Variants in EML4 observed in about 807,000 individuals in gnomAD.
EML4 encodes EMAP like 4, also known as echinoderm microtubule-associated protein-like 4.
Under a neutral mutation model 129.0 loss-of-function variants are expected in EML4, and 72 were observed. The ratio of observed to expected loss-of-function variants is 0.56; its 90% CI spans 0.46 to 0.68. The LOEUF is 0.68. Among genes scored for constraint, EML4 ranks in the 30% least tolerant of loss-of-function variants. EML4 has a pLI of 0.00. For synonymous variants in EML4, 532 were observed against 405.0 expected (o/e 1.31, Z -3.77); for missense variants, 1,363 against 1,190.6 (o/e 1.14, Z -2.13).
chr2:42,242,294 T>C (rs1416721431), intron 1 of EML4, among the ~76,000 whole-genome samples: 1 of 152,224 alleles, frequency 6.6e-6, no homozygotes, highest in Non-Finnish European at 1.5e-5. Flanking sequence ...GAGAACATTT[T>C]AGAAAAATAT....
chr2:42,191,239 T>C (rs1162439479), intron 1 of EML4, among the ~76,000 whole-genome samples: 1 of 152,228 alleles, frequency 6.6e-6, no homozygotes, highest in African/African-American at 2.4e-5. Context: ...ATATGTATTA[T>C]GTACATAATT....
At chr2:42,195,232 TTCA>T (rs1340381719) in intron 1 of EML4, among the ~76,000 whole-genome samples, 1 of 152,170 alleles carries the variant, frequency 6.6e-6, no homozygotes, top group Non-Finnish European at 1.5e-5. Flanking sequence ...ATATGATAAC[TTCA>T]TCATGCTACC....
chr2:42,186,047 A>C (rs1671232353), intron 1 of EML4, among the ~76,000 whole-genome samples: 2 of 152,166 alleles, frequency 1.3e-5, no homozygotes, highest in South Asian at 4.1e-4. Flanking sequence ...AAAAGGCCCC[A>C]AAAAACTGTA....
chr2:42,215,043 T>C (rs745548643), intron 1 of EML4, among the ~76,000 whole-genome samples: 2 of 152,144 alleles, frequency 1.3e-5, no homozygotes, highest in Non-Finnish European at 2.9e-5. Flanking sequence ...CTACAAGATC[T>C]ATAACTCTGC....
chr2:42,199,002 A>C (rs888307225), intron 1 of EML4, among the ~76,000 whole-genome samples: 1 of 152,166 alleles, frequency 6.6e-6, no homozygotes, highest in Middle Eastern at 3.2e-3. Flanking sequence ...AGAGTGGTTG[A>C]AGTTATGTAT....
intron 11 of EML4, among the ~76,000 whole-genome samples, chr2:42,291,831 G>C (rs1422404399): frequency 2.0e-5 from 3 of 152,148 alleles, no homozygotes; most frequent in African/African-American, 4.8e-5. Context: ...AACAGCAAAA[G>C]ACTTCCGGCA....
chr2:42,293,216 C>A (rs1667751540), intron 11 of EML4, among the ~76,000 whole-genome samples: 2 of 151,874 alleles, frequency 1.3e-5, no homozygotes, highest in Admixed American at 6.6e-5. Context: ...TCAAATGAAT[C>A]CTCCAGCCTC....
intron 2 of EML4, among the ~76,000 whole-genome samples, chr2:42,251,986 A>T (rs1414277044): frequency 2.0e-5 from 3 of 152,228 alleles, no homozygotes; most frequent in Non-Finnish European, 4.4e-5. Context: ...CAAATCAATA[A>T]ATTGTTTGTA....
At position 42,283,447 on chromosome 2, in the gene EML4, C is replaced by A. The variant is rs1402625096; in HGVS notation, c.941+475C>A. Among the ~76,000 whole-genome samples, 3 of 147,128 alleles carry A rather than the reference C, an allele frequency of 2.0e-5. No individual in the cohort carries two copies. In the South Asian group the frequency reaches 6.4e-4, roughly 31 times the overall value. On this transcript the variant is annotated intron_variant, in intron 8 of 22. Coordinates refer to ENST00000318522, the MANE Select transcript of EML4 (RefSeq NM_019063.5). ...ATGTCATACTACAAATGTGAGAACT[C>A]CTTTTAAATGCTTTTAAATTATTTT...
At position 42,284,670 on chromosome 2, in the gene EML4, T is replaced by C; in HGVS notation, c.978T>C (p.Thr326=). Residue 326 remains threonine (T), a synonymous_variant, in exon 9 of 23, where the codon ACT becomes ACC. Transcript: ENST00000318522. The part of the protein sequence containing the change: ...AIHPDKIRIA[T]GQIAGVDKDG... ...ATCCTGACAAAATTAGGATTGCAAC[T>C]GGACAGATAGCTGGCGTGGATAAAG... is the stretch of plus-strand genomic sequence containing the variant. The C allele has an allele frequency of 6.2e-7, 1 of 1,613,014 alleles. No individual in the cohort carries two copies. The highest frequency in any genetic ancestry group is 8.5e-7 in the Non-Finnish European group (1 of 1,179,470).
At chr2:42,221,936 A>T (rs112559960) in intron 1 of EML4, among the ~76,000 whole-genome samples, 1 of 151,858 alleles carries the variant, frequency 6.6e-6, no homozygotes, top group Non-Finnish European at 1.5e-5. Flanking sequence ...GTGTTTCATC[A>T]TGTTGCCCAG....
In EML4 at chr2:42,227,151, C is replaced by A. The variant is rs76456538; in HGVS notation, c.26-18354C>A. ...CTTGAGGTAAGATCTCGCTCTGTTG[C>A]CCAGCTGGAGTGCAGTGGCACAGTT... On this transcript the variant is annotated intron_variant, in intron 1 of 22. Coordinates refer to ENST00000318522, the MANE Select transcript of EML4 (RefSeq NM_019063.5). Among the ~76,000 whole-genome samples the A allele has an allele frequency of 7.1e-3, 1,084 of 152,212 alleles. 9 individuals carry two copies. The highest frequency in any genetic ancestry group is 0.025 in the African/African-American group (1,023 of 41,504).
In EML4 at chr2:42,330,378, A is replaced by G. The variant is rs1461534972; in HGVS notation, c.*171A>G. On this transcript the variant is annotated 3_prime_UTR_variant, in exon 23 of 23. Coordinates refer to ENST00000318522, the MANE Select transcript of EML4 (RefSeq NM_019063.5). ...TCAGTCTCTCAAATACAGCCAACTTAAAGTTTTAGTTTGGTGTTTATTGAA... is the reference window on the plus strand; with the variant it reads ...TCAGTCTCTCAAATACAGCCAACTTGAAGTTTTAGTTTGGTGTTTATTGAA... 9 of 706,370 alleles carry G rather than the reference A, an allele frequency of 1.3e-5. No homozygotes were observed. In the East Asian group the frequency reaches 1.3e-4, roughly 11 times the overall value. The allele number at this position is 706,370 out of a possible 1,614,324, so 43.8% of individuals were successfully genotyped here.
chr2:42,199,917 G>C (rs921694968), intron 1 of EML4, among the ~76,000 whole-genome samples: 1 of 152,072 alleles, frequency 6.6e-6, no homozygotes, highest in African/African-American at 2.4e-5. Flanking sequence ...ATAAGTATAT[G>C]GGGTATCATT....
intron 13 of EML4, among the ~76,000 whole-genome samples, chr2:42,296,060 C>G (rs1667930250): frequency 6.6e-6 from 1 of 152,126 alleles, no homozygotes; most frequent in Admixed American, 6.5e-5. Flanking sequence ...TATACAGGTC[C>G]TCTTTGCCCT....
intron 2 of EML4, among the ~76,000 whole-genome samples, chr2:42,254,328 G>T (rs1232364964): frequency 2.6e-5 from 4 of 151,980 alleles, no homozygotes; most frequent in Admixed American, 2.6e-4. Flanking sequence ...ACGGTGGTGT[G>T]CACCTGTAGT....
chr2:42,243,983 A>C (rs1007992737), intron 1 of EML4, among the ~76,000 whole-genome samples: 4 of 142,040 alleles, frequency 2.8e-5, no homozygotes, highest in Non-Finnish European at 6.1e-5. Flanking sequence ...ACTTGCCCTC[A>C]GTGTAAGCCA....
chr2:42,169,872 C>A, intron 1 of EML4: 1 of 425,776 alleles, frequency 2.3e-6, no homozygotes, highest in Non-Finnish European at 4.2e-6. Flanking sequence ...CCTTTCAGTG[C>A]GGGGCCCTCG....
chr2:42,331,390 A>C lies in EML4; in HGVS notation c.*1183A>C, dbSNP rs966120487. 4.5e-6 allele frequency: 1 copy of C among 223,852 alleles called. No homozygotes were observed. Among genetic ancestry groups the C allele is most frequent in the Non-Finnish European group, 8.9e-6 (1 of 112,030 alleles). The allele number at this position is 223,852 out of a possible 1,614,324, so 13.9% of individuals were successfully genotyped here. A position where few individuals can be genotyped will look rare whatever the true frequency, so the allele number is the denominator to read the frequency against. ...TCCTACTCTTTTGGGCAATGCATGT[A>C]TTATGCATTGGAAAGGTATTTTTTT... is the stretch of plus-strand genomic sequence containing the variant. On this transcript the variant is annotated 3_prime_UTR_variant, in exon 23 of 23. Transcript: ENST00000318522.
Sources: gnomAD v4.1 joint callset for allele counts (sites outside exome capture counted in the v4.1 genomes callset) on GRCh38, gnomAD v4.1.1 for gene constraint, MANE v1.5 for transcripts, NCBI Gene and HGNC (gene_info 2026-07-23, HGNC 2026-07-21) for gene names.